The following SLC13A1 variants were observed in gnomAD, a reference collection of about 807,000 sequenced individuals.
SLC13A1 encodes solute carrier family 13 member 1.
SLC13A1 carries 65 observed loss-of-function variants against 70.0 expected under a neutral mutation model. That is an observed-to-expected ratio of 0.93 (90% CI 0.76 to 1.14). The LOEUF is 1.14. Among genes scored for constraint, SLC13A1 ranks in the 50% most tolerant of loss-of-function variants. The pLI, the probability that SLC13A1 is intolerant of heterozygous loss-of-function variation, is 0.00. For synonymous variants in SLC13A1, 275 were observed against 250.5 expected (o/e 1.10, Z -0.92); for missense variants, 726 against 717.8 (o/e 1.01, Z -0.13).
intron 2 of SLC13A1, among the ~76,000 whole-genome samples, chr7:123,176,703 A>T (rs1389277952): frequency 2.6e-5 from 4 of 152,202 alleles, no homozygotes; most frequent in African/African-American, 9.6e-5. Flanking sequence ...TAACTGACTT[A>T]TCAGCAGATT....
intron 3 of SLC13A1, among the ~76,000 whole-genome samples, chr7:123,169,995 A>G (rs1454531347): frequency 2.0e-5 from 3 of 152,118 alleles, no homozygotes; most frequent in African/African-American, 7.2e-5. Flanking sequence ...GACACACTAC[A>G]TTGTCTTCTT....
chr7:123,159,224 G>A (rs1403370982), intron 6 of SLC13A1, among the ~76,000 whole-genome samples: 1 of 152,084 alleles, frequency 6.6e-6, no homozygotes, highest in Non-Finnish European at 1.5e-5. Context: ...TGATATTAAT[G>A]ACTGAATTAT....
chr7:123,147,074 T>G, intron 7 of SLC13A1, 85 bp downstream of exon 7: 1 of 1,373,942 alleles, frequency 7.3e-7, no homozygotes. Flanking sequence ...TCTCTGTACT[T>G]GAATTCTCTG....
At chr7:123,126,595 T>C (rs572691716) in intron 10 of SLC13A1, among the ~76,000 whole-genome samples, 26 of 152,220 alleles carry the variant, frequency 1.7e-4, no homozygotes, top group South Asian at 6.2e-4. Context: ...GCTTCTCTAC[T>C]TCTATAATTT....
In SLC13A1 at chr7:123,168,104, A is replaced by C. The variant is rs1003877274; in HGVS notation, c.660+270T>G. Reference sequence around the variant, plus strand: ...TGAGACTGGAATTATATTTCTTTAAACTACCTTGGCTAACTGCCATTATCC... The same window carrying C: ...TGAGACTGGAATTATATTTCTTTAACCTACCTTGGCTAACTGCCATTATCC... On this transcript the variant is annotated intron_variant, in intron 6 of 14. Transcript: ENST00000194130. Among the ~76,000 whole-genome samples the C allele has an allele frequency of 2.0e-5, 3 of 152,190 alleles. 1 individual carries two copies. The highest frequency in any genetic ancestry group is 4.4e-5 in the Non-Finnish European group (3 of 68,034).
At chr7:123,178,485 C>A (rs1424099931) in intron 2 of SLC13A1, among the ~76,000 whole-genome samples, 2 of 152,070 alleles carry the variant, frequency 1.3e-5, no homozygotes, top group African/African-American at 4.8e-5. Context: ...TAGTTTGTAT[C>A]ATTGTTTAAC....
chr7:123,127,348 C>A (rs1489951582), intron 10 of SLC13A1, among the ~76,000 whole-genome samples: 1 of 152,140 alleles, frequency 6.6e-6, no homozygotes, highest in Non-Finnish European at 1.5e-5. Flanking sequence ...AAATTGGAAG[C>A]TGATTATATT....
At chr7:123,149,368 A>G (rs1212785051) in intron 6 of SLC13A1, 3 of 398,706 alleles carry the variant, frequency 7.5e-6, no homozygotes, top group Non-Finnish European at 1.5e-5. Flanking sequence ...TCAAACACTA[A>G]TCCGTTGACC....
chr7:123,194,771 T>G (rs1227550890), intron 1 of SLC13A1, among the ~76,000 whole-genome samples: 1 of 152,006 alleles, frequency 6.6e-6, no homozygotes, highest in African/African-American at 2.4e-5. Flanking sequence ...GCATCTGAGA[T>G]GACATACAGC....
chr7:123,131,300 G>A (rs551271750), intron 8 of SLC13A1, among the ~76,000 whole-genome samples: 1 of 152,108 alleles, frequency 6.6e-6, no homozygotes, highest in African/African-American at 2.4e-5. Context: ...ACTAATTAAT[G>A]TGCCACCTAG....
intron 7 of SLC13A1, among the ~76,000 whole-genome samples, chr7:123,143,797 C>T (rs549706806): frequency 6.6e-6 from 1 of 152,246 alleles, no homozygotes; most frequent in Admixed American, 6.5e-5. Flanking sequence ...CTGTATTCCA[C>T]CATCTTGCTC....
rs1554554158 is a variant in SLC13A1 at position 123,180,999 on chromosome 7, T to A, written c.202A>T (p.Met68Leu). The A allele has an allele frequency of 1.2e-6, 2 of 1,612,440 alleles. No homozygotes were observed. Among genetic ancestry groups the A allele is most frequent in the African/African-American group, 2.7e-5 (2 of 74,966 alleles). The change falls in exon 2 of 15, where the codon ATG (methionine) becomes TTG (leucine). Residue 68 changes from methionine (M) to leucine (L), a missense_variant. By Grantham distance (15) the Met-to-Leu change is conservative. Coordinates refer to ENST00000194130, the MANE Select transcript of SLC13A1 (RefSeq NM_022444.4). ...TALLPSLMLP[M>L]FGIMPSKKVA... is the part of the protein sequence containing the mutation. The stretch of plus-strand genomic sequence containing the variant: ...TTCTTAGAAGGCATGATCCCAAACA[T>A]GGGTAACATTAAACTAGGTAGCAAA...
rs756695430 is a variant in SLC13A1 at position 123,117,470 on chromosome 7, C to G, written c.1650+1G>C. 6.2e-7 allele frequency: 1 copy of G among 1,612,686 alleles called. No homozygotes were observed. ...GATAGTATTTTTTTCAGCTAACTCA[C>G]CATGTCAATGACTTTCAGATGACCA... On this transcript the variant is annotated splice_donor_variant, in intron 14 of 14. Transcript: ENST00000194130. LOFTEE classifies it high-confidence loss of function.
chr7:123,172,897 G>A (rs1173603784), intron 2 of SLC13A1, among the ~76,000 whole-genome samples: 1 of 151,990 alleles, frequency 6.6e-6, no homozygotes, highest in Non-Finnish European at 1.5e-5. Context: ...TTAAACAATA[G>A]TGTATAATGT....
intron 5 of SLC13A1, 27 bp downstream of exon 5, chr7:123,168,477 C>A: frequency 1.3e-6 from 2 of 1,598,782 alleles, no homozygotes; most frequent in South Asian, 2.2e-5. Context: ...TTGGAAAAAT[C>A]CCAATCAAAA....
intron 6 of SLC13A1, among the ~76,000 whole-genome samples, chr7:123,164,550 T>C (rs17145405): frequency 0.051 from 7,748 of 151,762 alleles, 274 homozygotes; most frequent in East Asian, 0.13. Context: ...CATAGCAAAA[T>C]TGTGCAGATT....
At chr7:123,118,148 G>A (rs1793244681) in intron 13 of SLC13A1, among the ~76,000 whole-genome samples, 1 of 152,010 alleles carries the variant, frequency 6.6e-6, no homozygotes, top group African/African-American at 2.4e-5. Flanking sequence ...AAGTCCCTGT[G>A]GCTCCAGCAG....
At chr7:123,139,381 T>C (rs911455328) in intron 7 of SLC13A1, among the ~76,000 whole-genome samples, 1 of 152,136 alleles carries the variant, frequency 6.6e-6, no homozygotes, top group Non-Finnish European at 1.5e-5. Context: ...TTGCTAAAGA[T>C]AGCTTTGGCT....
intron 7 of SLC13A1, 84 bp downstream of exon 7, chr7:123,147,075 G>C (rs1396096192): frequency 1.5e-6 from 2 of 1,376,788 alleles, no homozygotes; most frequent in African/African-American, 1.5e-5. Context: ...CTCTGTACTT[G>C]AATTCTCTGA....
Sources: allele counts gnomAD v4.1 joint callset (sites outside exome capture counted in the v4.1 genomes callset), GRCh38; gene constraint gnomAD v4.1.1; transcripts MANE v1.5; gene names NCBI Gene and HGNC (gene_info 2026-07-23, HGNC 2026-07-21).